Variants in TPR observed in about 807,000 individuals in gnomAD.
The protein encoded by TPR is nucleoprotein TPR.
Under a neutral mutation model 316.1 loss-of-function variants are expected in TPR, and 51 were observed. That is an observed-to-expected ratio of 0.16 (90% CI 0.13 to 0.20). TPR has a LOEUF of 0.20. Among genes scored for constraint, TPR ranks in the 10% least tolerant of loss-of-function variants. The pLI, the probability that TPR is intolerant of heterozygous loss-of-function variation, is 1.00. For synonymous variants in TPR, 981 were observed against 914.7 expected (o/e 1.07, Z -1.31); for missense variants, 2,272 against 2,754.8 (o/e 0.82, Z 3.92).
intron 2 of TPR, 87 bp downstream of exon 2, chr1:186,373,272 G>T (rs1399031261): frequency 2.5e-6 from 2 of 797,814 alleles, no homozygotes; most frequent in East Asian, 2.8e-5. Flanking sequence ...TTCATGTTTA[G>T]TAAGCAAATG....
chr1:186,362,808 T>C, intron 6 of TPR, 29 bp downstream of exon 6: 1 of 1,562,296 alleles, frequency 6.4e-7, no homozygotes, highest in Non-Finnish European at 8.7e-7. Flanking sequence ...ATACTCAACA[T>C]GAAGAAAAAC....
At chr1:186,362,031 T>C (rs1006639818) in intron 7 of TPR, among the ~76,000 whole-genome samples, 162 bp from the exon 8 acceptor site, 5 of 151,956 alleles carry the variant, frequency 3.3e-5, no homozygotes, top group African/African-American at 1.2e-4. Context: ...GGATAAAATA[T>C]TACTAATATT....
At chr1:186,362,496 G>T in intron 6 of TPR, 116 bp from the exon 7 acceptor site, 1 of 759,852 alleles carries the variant, frequency 1.3e-6, no homozygotes, top group Non-Finnish European at 2.1e-6. Context: ...ACCTGAAAAA[G>T]CAATTAAAAT....
chr1:186,334,244 C>A, intron 36 of TPR, 81 bp downstream of exon 36: 1 of 1,365,394 alleles, frequency 7.3e-7, no homozygotes, highest in Non-Finnish European at 9.9e-7. Context: ...GTGGATGCTT[C>A]ATTTGTCTTT....
chr1:186,351,679 T>C (rs1022751732), intron 19 of TPR, among the ~76,000 whole-genome samples: 3 of 152,146 alleles, frequency 2.0e-5, no homozygotes, highest in Non-Finnish European at 2.9e-5. Flanking sequence ...ATAATCGTCA[T>C]TCAGATTTCC....
At position 186,341,109 on chromosome 1, in the gene TPR, C is replaced by T; in HGVS notation, c.3939G>A (p.Glu1313=). 18 of 1,614,112 alleles carry T rather than the reference C, an allele frequency of 1.1e-5. No homozygotes were observed. The highest frequency in any genetic ancestry group is 1.5e-5 in the Non-Finnish European group (18 of 1,180,012). ...DILPLQEANA[E]LSEKSGMLQA... ...GCAACATACCGCTTTTCTCACTCAGCTCAGCATTTGCTTCTTGTAAGGGTA... is the reference window on the plus strand; with the variant it reads ...GCAACATACCGCTTTTCTCACTCAGTTCAGCATTTGCTTCTTGTAAGGGTA... The change falls in exon 29 of 51, where the codon GAG becomes GAA. Residue 1313 remains glutamate (E), a synonymous_variant. Coordinates refer to ENST00000367478, the MANE Select transcript of TPR (RefSeq NM_003292.3).
At chr1:186,342,338 G>A (rs1658535476) in intron 27 of TPR, 1 of 152,044 alleles carries the variant, frequency 6.6e-6, no homozygotes, top group African/African-American at 2.4e-5. Flanking sequence ...TTTAAGGTTG[G>A]TTTCCCCCTA....
At chr1:186,317,017 A>T (rs553105769) in intron 49 of TPR, among the ~76,000 whole-genome samples, 17 of 152,370 alleles carry the variant, frequency 1.1e-4, no homozygotes, top group African/African-American at 4.1e-4. Flanking sequence ...CTGAGCTCTT[A>T]CCCCTTAACT....
intron 4 of TPR, among the ~76,000 whole-genome samples, chr1:186,367,060 C>CTT (rs71104854): frequency 2.3e-3 from 209 of 89,548 alleles, no homozygotes; most frequent in Non-Finnish European, 2.8e-3. Flanking sequence ...CCCAAAACAC[C>CTT]TTTTTTTTTT....
intron 40 of TPR, 78 bp downstream of exon 40, chr1:186,327,382 A>C: frequency 7.7e-7 from 1 of 1,304,110 alleles, no homozygotes; most frequent in Non-Finnish European, 1.1e-6. Flanking sequence ...ATTTACAGCC[A>C]ATGCATTAGT....
At chr1:186,360,386 T>G in intron 10 of TPR, 22 bp from the exon 11 acceptor site, 3 of 1,606,548 alleles carry the variant, frequency 1.9e-6, no homozygotes, top group Non-Finnish European at 2.6e-6. Context: ...AATACACATC[T>G]AGTATAATTT....
At chr1:186,365,568 T>G (rs774735381) in intron 4 of TPR, among the ~76,000 whole-genome samples, 1 of 152,148 alleles carries the variant, frequency 6.6e-6, no homozygotes, top group African/African-American at 2.4e-5. Context: ...AGATGATACT[T>G]TGTGAAAAGA....
chr1:186,327,951 T>A (rs1327653797), intron 39 of TPR, among the ~76,000 whole-genome samples: 1 of 151,972 alleles, frequency 6.6e-6, no homozygotes, highest in Admixed American at 6.6e-5. Context: ...GTCTGGCTAA[T>A]TTTTTGTATT....
intron 4 of TPR, among the ~76,000 whole-genome samples, chr1:186,365,484 G>T (rs527936791): frequency 1.8e-4 from 28 of 152,226 alleles, no homozygotes; most frequent in African/African-American, 6.3e-4. Flanking sequence ...TGTCAAAGCA[G>T]TCTACTTGCT....
At chr1:186,338,321 G>T in intron 30 of TPR, 78 bp from the exon 31 acceptor site, 1 of 1,170,864 alleles carries the variant, frequency 8.5e-7, no homozygotes, top group Non-Finnish European at 1.2e-6. Context: ...GTAACTTTAT[G>T]TTATACTGCT....
chr1:186,339,986 C>T (rs1359097776), intron 29 of TPR, among the ~76,000 whole-genome samples: 2 of 151,970 alleles, frequency 1.3e-5, no homozygotes, highest in Non-Finnish European at 2.9e-5. Context: ...AATAAAATGT[C>T]ATTAAATGTT....
chr1:186,347,373 T>C lies in TPR; in HGVS notation c.2862A>G (p.Arg954=), dbSNP rs750806078. 1 of 1,613,970 alleles carries C rather than the reference T, an allele frequency of 6.2e-7. No individual in the cohort carries two copies. The highest frequency in any genetic ancestry group is 1.3e-5 in the African/African-American group (1 of 74,920). ...CCACATTGCTCGTACTTGTTTTGAG[T>C]CTCTCCTTTAAGTCATTCACCTGCT... ...TEEQVNDLKE[R]LKTSTSNVEQ... The change falls in exon 22 of 51, where the codon AGA becomes AGG. Residue 954 remains arginine (R), a synonymous_variant. Coordinates refer to ENST00000367478, the MANE Select transcript of TPR (RefSeq NM_003292.3).
At chr1:186,358,195 C>A (rs561810732) in intron 13 of TPR, among the ~76,000 whole-genome samples, 1 of 152,134 alleles carries the variant, frequency 6.6e-6, no homozygotes, top group Admixed American at 6.5e-5. Flanking sequence ...CATGTATATA[C>A]ACATACAGAG....
chr1:186,359,979 C>A lies in TPR; in HGVS notation c.1209G>T (p.Val403=). 6.2e-7 allele frequency: 1 copy of A among 1,608,530 alleles called. No homozygotes were observed. Residue 403 remains valine (V), a synonymous_variant, in exon 12 of 51, where the codon GTG becomes GTT. Transcript: ENST00000367478. ...MKLTELYNAY[V]ETQDQLLLEK... Reference sequence around the variant, plus strand: ...CCAAAAGCAACTGATCCTGAGTTTCCACATAAGCATTATAGAGCTGAAAGT... The same window carrying A: ...CCAAAAGCAACTGATCCTGAGTTTCAACATAAGCATTATAGAGCTGAAAGT...
Sources: gnomAD v4.1 joint callset for allele counts (sites outside exome capture counted in the v4.1 genomes callset) on GRCh38, gnomAD v4.1.1 for gene constraint, MANE v1.5 for transcripts, NCBI Gene and HGNC (gene_info 2026-07-23, HGNC 2026-07-21) for gene names.